The following STX8 variants were observed in gnomAD, a reference collection of about 807,000 sequenced individuals.
STX8 encodes syntaxin 8.
A neutral mutation model predicts 37.5 loss-of-function variants in STX8; 23 were observed. That is an observed-to-expected ratio of 0.61 (90% CI 0.44 to 0.87). STX8 has a LOEUF of 0.87. Among genes scored for constraint, STX8 ranks in the 40% least tolerant of loss-of-function variants. STX8 has a pLI of 0.00. For synonymous variants in STX8, 115 were observed against 99.1 expected (o/e 1.16, Z -0.95); for missense variants, 313 against 284.7 (o/e 1.10, Z -0.71).
At chr17:9,376,036 G>A (rs1199120421) in intron 7 of STX8, among the ~76,000 whole-genome samples, 2 of 152,126 alleles carry the variant, frequency 1.3e-5, no homozygotes, top group African/African-American at 4.8e-5. Flanking sequence ...ACTGAATTTT[G>A]ATAACCAAAT....
intron 7 of STX8, among the ~76,000 whole-genome samples, chr17:9,366,357 G>A (rs1911229246): frequency 6.6e-6 from 1 of 152,138 alleles, no homozygotes; most frequent in Non-Finnish European, 1.5e-5. Flanking sequence ...TCAGCCTCCT[G>A]GGTAGCTGGG....
chr17:9,569,326 C>T (rs1244457048), intron 1 of STX8, among the ~76,000 whole-genome samples: 3 of 152,048 alleles, frequency 2.0e-5, no homozygotes, highest in Non-Finnish European at 2.9e-5. Context: ...AAAAACGCAG[C>T]AGGATAAAGG....
At chr17:9,559,760 A>ATATATATATATATATTT in intron 2 of STX8, among the ~76,000 whole-genome samples, 1 of 24,490 alleles carries the variant, frequency 4.1e-5, no homozygotes, top group East Asian at 2.7e-3. Flanking sequence ...ATATATATAT[A>ATATATATATATATATTT]TTTTTTTTTT....
chr17:9,390,556 G>A (rs112290270), intron 6 of STX8, among the ~76,000 whole-genome samples: 2,825 of 142,926 alleles, frequency 0.02, 78 homozygotes, highest in African/African-American at 0.068. Context: ...GGGTCGGTGC[G>A]GTGGCTCATG....
Position 9,424,253 on chromosome 17 carries a change from T to A in STX8, c.542-45600A>T, listed in dbSNP as rs1913545341. ...GGCCGGGCAGCCAGGCATTTTTGCA[T>A]CCGCCCAGTGCTGGGAACTGACGCA... On this transcript the variant is annotated intron_variant, in intron 6 of 7. Coordinates refer to ENST00000306357, the MANE Select transcript of STX8 (RefSeq NM_004853.3). Among the ~76,000 whole-genome samples the A allele has an allele frequency of 2.6e-5, 4 of 152,202 alleles. No homozygotes were observed. The Middle Eastern group carries it at 0.01, about 388-fold the overall frequency.
intron 7 of STX8, among the ~76,000 whole-genome samples, chr17:9,265,171 T>C (rs543225339): frequency 6.6e-6 from 1 of 152,222 alleles, no homozygotes; most frequent in East Asian, 1.9e-4. Flanking sequence ...TTCCAAACTT[T>C]TCTCTTTCAC....
intron 2 of STX8, among the ~76,000 whole-genome samples, chr17:9,560,832 T>C (rs938718381): frequency 1.3e-5 from 2 of 151,998 alleles, no homozygotes; most frequent in African/African-American, 4.8e-5. Context: ...ATATGTATAA[T>C]GTTCATAGGG....
chr17:9,460,454 C>T (rs1457999426), intron 6 of STX8, among the ~76,000 whole-genome samples: 1 of 152,094 alleles, frequency 6.6e-6, no homozygotes, highest in Non-Finnish European at 1.5e-5. Context: ...AGGTGGATCA[C>T]CTGAGGTCAG....
intron 7 of STX8, among the ~76,000 whole-genome samples, chr17:9,283,501 T>C (rs1391907207): frequency 1.3e-5 from 2 of 152,038 alleles, no homozygotes; most frequent in Admixed American, 6.6e-5. Flanking sequence ...GACCATGCCA[T>C]TGCACTCCAG....
chr17:9,335,228 A>G (rs1910098388), intron 7 of STX8, among the ~76,000 whole-genome samples: 1 of 151,792 alleles, frequency 6.6e-6, no homozygotes, highest in Admixed American at 6.6e-5. Flanking sequence ...AGGAATAAAA[A>G]CCCCTTCCCC....
chr17:9,316,551 G>A (rs148895089), intron 7 of STX8, among the ~76,000 whole-genome samples: 21 of 152,266 alleles, frequency 1.4e-4, no homozygotes, highest in Middle Eastern at 3.4e-3. Context: ...ACCATGTGGC[G>A]GTACTGCGAG....
intron 6 of STX8, among the ~76,000 whole-genome samples, chr17:9,428,470 G>A (rs907912916): frequency 1.3e-5 from 2 of 152,168 alleles, no homozygotes; most frequent in Admixed American, 6.5e-5. Context: ...TTGATCTCCT[G>A]ACCTTGTGAT....
At chr17:9,330,626 G>C (rs1056193685) in intron 7 of STX8, among the ~76,000 whole-genome samples, 1 of 152,190 alleles carries the variant, frequency 6.6e-6, no homozygotes, top group Non-Finnish European at 1.5e-5. Flanking sequence ...CACTGGCTTC[G>C]GCTTTCTGTT....
At chr17:9,503,551 T>G (rs1242193587) in intron 5 of STX8, among the ~76,000 whole-genome samples, 1 of 152,238 alleles carries the variant, frequency 6.6e-6, no homozygotes, top group African/African-American at 2.4e-5. Context: ...TCATTAATTT[T>G]TTTAAAGATG....
chr17:9,473,046 C>T (rs1025224991), intron 6 of STX8, among the ~76,000 whole-genome samples: 8 of 145,688 alleles, frequency 5.5e-5, no homozygotes, highest in African/African-American at 1.5e-4. Context: ...ATCTTTTTTT[C>T]TTTTTTTTTT....
At chr17:9,549,697 C>T (rs73975724) in intron 3 of STX8, among the ~76,000 whole-genome samples, 2,714 of 152,094 alleles carry the variant, frequency 0.018, 81 homozygotes, top group African/African-American at 0.062. Context: ...TTTTAATCTA[C>T]GGAGAGAACA....
At chr17:9,329,049 T>TAAA in intron 7 of STX8, among the ~76,000 whole-genome samples, 1 of 14,110 alleles carries the variant, frequency 7.1e-5, no homozygotes, top group Non-Finnish European at 1.5e-4. Flanking sequence ...AGATTCCATC[T>TAAA]CAAAAAAAAA....
chr17:9,380,402 G>A (rs936407434), intron 6 of STX8, among the ~76,000 whole-genome samples: 5 of 151,756 alleles, frequency 3.3e-5, no homozygotes, highest in Non-Finnish European at 7.4e-5. Context: ...GTAAGCATGT[G>A]CCACCACTCC....
intron 2 of STX8, among the ~76,000 whole-genome samples, chr17:9,562,609 AAAAAATAT>A (rs776290830): frequency 1.1e-4 from 16 of 142,014 alleles, no homozygotes; most frequent in African/African-American, 2.2e-4. Flanking sequence ...CAGAAAAAAA[AAAAAATAT>A]ATATATATAT....
Sources: gnomAD v4.1 joint callset for allele counts (sites outside exome capture counted in the v4.1 genomes callset) on GRCh38, gnomAD v4.1.1 for gene constraint, MANE v1.5 for transcripts, NCBI Gene and HGNC (gene_info 2026-07-23, HGNC 2026-07-21) for gene names.